ZRANB3: variants seen among roughly 807,000 people sequenced by gnomAD.
ZRANB3 encodes the protein DNA annealing helicase and endonuclease ZRANB3.
ZRANB3 carries 125 observed loss-of-function variants against 133.8 expected under a neutral mutation model. The ratio of observed to expected loss-of-function variants is 0.93; its 90% CI spans 0.81 to 1.08. ZRANB3 has a LOEUF of 1.08. ZRANB3 is among the 50% of genes least tolerant of loss of function. The pLI, the probability that ZRANB3 is intolerant of heterozygous loss-of-function variation, is 0.00. For synonymous variants in ZRANB3, 387 were observed against 432.7 expected (o/e 0.89, Z 1.31); for missense variants, 1,229 against 1,275.5 (o/e 0.96, Z 0.56).
At chr2:135,420,483 C>T (rs1259003389) in intron 2 of ZRANB3, among the ~76,000 whole-genome samples, 3 of 151,942 alleles carry the variant, frequency 2.0e-5, no homozygotes, top group Admixed American at 2.0e-4. Flanking sequence ...GTTAATTAAG[C>T]TAGTGTTGGT....
intron 2 of ZRANB3, among the ~76,000 whole-genome samples, chr2:135,433,119 TTA>T (rs1689389263): frequency 6.6e-6 from 1 of 152,102 alleles, no homozygotes; most frequent in African/African-American, 2.4e-5. Flanking sequence ...TAACAGGGTA[TTA>T]TATGTGGATA....
At chr2:135,344,654 T>C (rs1164366088) in intron 6 of ZRANB3, among the ~76,000 whole-genome samples, 1 of 152,098 alleles carries the variant, frequency 6.6e-6, no homozygotes, top group African/African-American at 2.4e-5. Flanking sequence ...GGAGAATTGC[T>C]TGAACATCGG....
chr2:135,395,813 C>G (rs986205264), intron 2 of ZRANB3, among the ~76,000 whole-genome samples: 1 of 152,076 alleles, frequency 6.6e-6, no homozygotes, highest in Non-Finnish European at 1.5e-5. Context: ...ATAAAATGGA[C>G]AAATGGGATC....
chr2:135,426,271 C>T (rs1357649586), intron 2 of ZRANB3, among the ~76,000 whole-genome samples: 1 of 151,980 alleles, frequency 6.6e-6, no homozygotes, highest in Admixed American at 6.6e-5. Context: ...GAAGAGCTGG[C>T]ACTATTCCTA....
At chr2:135,279,992 T>C (rs573995853) in intron 8 of ZRANB3, among the ~76,000 whole-genome samples, 1 of 152,338 alleles carries the variant, frequency 6.6e-6, no homozygotes, top group African/African-American at 2.4e-5. Flanking sequence ...ATTTTAACTA[T>C]TTTGATTTTA....
At chr2:135,455,613 A>T (rs1690482345) in intron 2 of ZRANB3, among the ~76,000 whole-genome samples, 1 of 118,362 alleles carries the variant, frequency 8.4e-6, no homozygotes, top group Admixed American at 1.0e-4. Flanking sequence ...TTTTTTTGAG[A>T]CGGAGTCTCA....
At chr2:135,266,952 C>T (rs982368210) in intron 11 of ZRANB3, among the ~76,000 whole-genome samples, 1 of 152,090 alleles carries the variant, frequency 6.6e-6, no homozygotes, top group African/African-American at 2.4e-5. Flanking sequence ...TTGAATCCAC[C>T]TATGATCTGG....
intron 16 of ZRANB3, among the ~76,000 whole-genome samples, chr2:135,218,237 A>G (rs907574291): frequency 2.0e-5 from 3 of 152,214 alleles, no homozygotes; most frequent in African/African-American, 7.2e-5. Context: ...CTGGAAGTAC[A>G]TACCCTAGCT....
At chr2:135,476,772 T>C (rs555172176) in intron 2 of ZRANB3, among the ~76,000 whole-genome samples, 7 of 151,550 alleles carry the variant, frequency 4.6e-5, no homozygotes, top group South Asian at 4.2e-4. Flanking sequence ...GGCATGATCA[T>C]GGCTCACTAC....
intron 1 of ZRANB3, chr2:135,511,698 A>G: frequency 1.3e-6 from 1 of 766,722 alleles, no homozygotes; most frequent in Admixed American, 1.7e-5. Flanking sequence ...GTGTGGCATA[A>G]GCATCAACAT....
At chr2:135,273,029 C>CA (rs1324966279) in intron 9 of ZRANB3, among the ~76,000 whole-genome samples, 4 of 151,252 alleles carry the variant, frequency 2.6e-5, no homozygotes, top group Admixed American at 2.6e-4. Context: ...TAAAAAAATA[C>CA]AAAAAAATTA....
At chr2:135,451,870 ATGTC>A (rs1275171442) in intron 2 of ZRANB3, among the ~76,000 whole-genome samples, 6 of 152,246 alleles carry the variant, frequency 3.9e-5, no homozygotes, top group African/African-American at 1.2e-4. Context: ...GAAAACTAGA[ATGTC>A]TGAAAAAGAT....
intron 8 of ZRANB3, among the ~76,000 whole-genome samples, chr2:135,294,780 G>T: frequency 6.6e-6 from 1 of 151,972 alleles, no homozygotes; most frequent in Non-Finnish European, 1.5e-5. Flanking sequence ...GTGTCCCAGA[G>T]ACTTTGGTAT....
intron 8 of ZRANB3, among the ~76,000 whole-genome samples, chr2:135,299,509 G>T (rs1682330179): frequency 6.6e-6 from 1 of 152,132 alleles, no homozygotes; most frequent in African/African-American, 2.4e-5. Context: ...AGGAAAATTT[G>T]CACTAGGTCG....
intron 12 of ZRANB3, among the ~76,000 whole-genome samples, chr2:135,236,635 C>T (rs536301910): frequency 6.6e-6 from 1 of 152,124 alleles, no homozygotes; most frequent in Non-Finnish European, 1.5e-5. Flanking sequence ...AATAATGCCG[C>T]ATATCTACAA....
intron 6 of ZRANB3, among the ~76,000 whole-genome samples, chr2:135,323,622 C>T (rs534038588): frequency 3.3e-5 from 5 of 152,120 alleles, no homozygotes; most frequent in Admixed American, 6.5e-5. Context: ...ATCATCCCAT[C>T]GGTCAAAAGA....
intron 2 of ZRANB3, among the ~76,000 whole-genome samples, chr2:135,403,401 G>T (rs1372449791): frequency 2.6e-5 from 4 of 152,216 alleles, no homozygotes; most frequent in African/African-American, 7.2e-5. Context: ...CAGCAAGGCT[G>T]GGGGAGAGGC....
At chr2:135,448,475 A>T (rs1185068420) in intron 2 of ZRANB3, among the ~76,000 whole-genome samples, 4 of 152,240 alleles carry the variant, frequency 2.6e-5, no homozygotes, top group Non-Finnish European at 4.4e-5. Flanking sequence ...CAGTTGGAAA[A>T]TACTAAGACA....
At chr2:135,370,662 C>G (rs557068056) in intron 3 of ZRANB3, among the ~76,000 whole-genome samples, 20 of 152,124 alleles carry the variant, frequency 1.3e-4, no homozygotes, top group Non-Finnish European at 2.4e-4. Context: ...GTATTGATAA[C>G]CATCCCTAGC....
Sources: allele counts gnomAD v4.1 joint callset (sites outside exome capture counted in the v4.1 genomes callset), GRCh38; gene constraint gnomAD v4.1.1; transcripts MANE v1.5; gene names NCBI Gene and HGNC (gene_info 2026-07-23, HGNC 2026-07-21).